DOCK2: variants seen among roughly 807,000 people sequenced by gnomAD.
DOCK2 encodes dedicator of cytokinesis protein 2.
Under a neutral mutation model 248.9 loss-of-function variants are expected in DOCK2, and 87 were observed. The ratio of observed to expected loss-of-function variants is 0.35; its 90% CI spans 0.29 to 0.42. DOCK2 has a LOEUF of 0.42. DOCK2 is among the 10% of genes least tolerant of loss of function. The pLI, the probability that DOCK2 is intolerant of heterozygous loss-of-function variation, is 1.00. For synonymous variants in DOCK2, 805 were observed against 821.6 expected (o/e 0.98, Z 0.35); for missense variants, 1,747 against 2,300.2 (o/e 0.76, Z 4.92).
At chr5:169,762,345 C>T (rs1764535578) in intron 25 of DOCK2, among the ~76,000 whole-genome samples, 1 of 152,050 alleles carries the variant, frequency 6.6e-6, no homozygotes, top group African/African-American at 2.4e-5. Context: ...TGCACTTTGC[C>T]TTTCTTCACT....
At chr5:169,875,085 C>G (rs920648230) in intron 27 of DOCK2, 4 of 407,508 alleles carry the variant, frequency 9.8e-6, no homozygotes, top group Non-Finnish European at 2.0e-5. Context: ...AAGCTACTCT[C>G]TGGGCTATTT....
intron 27 of DOCK2, among the ~76,000 whole-genome samples, chr5:169,905,919 C>T (rs1774249859): frequency 6.6e-6 from 1 of 152,216 alleles, no homozygotes; most frequent in African/African-American, 2.4e-5. Flanking sequence ...AAACAGCTGT[C>T]TTGAACCTGA....
At chr5:169,721,865 G>A (rs1378747820) in intron 22 of DOCK2, among the ~76,000 whole-genome samples, 1 of 152,236 alleles carries the variant, frequency 6.6e-6, no homozygotes, top group African/African-American at 2.4e-5. Context: ...AGAAAGAAGA[G>A]AGTGAGTTCC....
chr5:169,660,518 C>T (rs934731608), intron 2 of DOCK2, among the ~76,000 whole-genome samples: 1 of 152,114 alleles, frequency 6.6e-6, no homozygotes, highest in African/African-American at 2.4e-5. Context: ...GGAGTGCTTT[C>T]TAAGTGAACA....
intron 36 of DOCK2, among the ~76,000 whole-genome samples, chr5:170,037,783 G>T (rs1756373324): frequency 6.6e-6 from 1 of 152,160 alleles, no homozygotes; most frequent in Non-Finnish European, 1.5e-5. Context: ...ACTGCGTCCG[G>T]CCACAACAAC....
intron 25 of DOCK2, among the ~76,000 whole-genome samples, chr5:169,801,146 G>GTTTTTTTTTT (rs60574755): frequency 2.6e-5 from 2 of 76,052 alleles, no homozygotes; most frequent in African/African-American, 3.7e-5. Context: ...ATAGTTTTGG[G>GTTTTTTTTTT]TTTTTTTTTT....
chr5:170,042,219 GCT>G, intron 38 of DOCK2, 87 bp downstream of exon 38: 1 of 1,433,844 alleles, frequency 7.0e-7, no homozygotes, highest in Non-Finnish European at 9.3e-7. Flanking sequence ...TCCATCCTCA[GCT>G]CTGTCAGATA....
At chr5:170,065,671 A>C (rs1489208497) in intron 44 of DOCK2, among the ~76,000 whole-genome samples, 1 of 152,190 alleles carries the variant, frequency 6.6e-6, no homozygotes, top group Non-Finnish European at 1.5e-5. Context: ...GCAAAGAGAG[A>C]GCTTGTGCAG....
intron 1 of DOCK2, among the ~76,000 whole-genome samples, chr5:169,653,289 CT>C (rs1757906429): frequency 6.6e-6 from 1 of 152,148 alleles, no homozygotes; most frequent in Non-Finnish European, 1.5e-5. Context: ...GAATAATAAC[CT>C]TTTTACAGTG....
At chr5:169,942,725 T>G (rs146431338) in intron 27 of DOCK2, among the ~76,000 whole-genome samples, 1 of 152,102 alleles carries the variant, frequency 6.6e-6, no homozygotes, top group Admixed American at 6.6e-5. Flanking sequence ...CCCTCCACAT[T>G]GGTCGGAGAG....
chr5:170,077,433 T>A (rs1452978788), intron 47 of DOCK2, among the ~76,000 whole-genome samples: 3 of 152,136 alleles, frequency 2.0e-5, no homozygotes, highest in Non-Finnish European at 1.5e-5. Context: ...AAATCAAGTA[T>A]GGTCAAGGGG....
In DOCK2 at chr5:169,756,157, C is replaced by T. The variant is rs538725356; in HGVS notation, c.2377-3548C>T. On this transcript the variant is annotated intron_variant, in intron 23 of 51. Coordinates refer to ENST00000520908, the MANE Select transcript of DOCK2 (RefSeq NM_004946.3). ...TGCTTCATTTGACTGTATGGCCTAC[C>T]TGGAGTGGGAGGCTGGGAAGATGGG... Among the ~76,000 whole-genome samples, 7 of 152,346 alleles carry T rather than the reference C, an allele frequency of 4.6e-5. No homozygotes were observed. In the South Asian group the frequency reaches 1.5e-3, roughly 32 times the overall value.
At chr5:169,912,748 G>A (rs2113624903) in intron 27 of DOCK2, among the ~76,000 whole-genome samples, 1 of 152,184 alleles carries the variant, frequency 6.6e-6, no homozygotes, top group South Asian at 2.1e-4. Flanking sequence ...GTAGTTTTTG[G>A]TAAAGAAAGG....
At chr5:169,916,542 TGTG>T (rs1256730182) in intron 27 of DOCK2, among the ~76,000 whole-genome samples, 1 of 152,242 alleles carries the variant, frequency 6.6e-6, no homozygotes, top group African/African-American at 2.4e-5. Flanking sequence ...GCAACCTTCC[TGTG>T]CCTCCCTTAT....
At chr5:169,828,221 G>A (rs536470483) in intron 26 of DOCK2, among the ~76,000 whole-genome samples, 4 of 152,108 alleles carry the variant, frequency 2.6e-5, no homozygotes, top group Non-Finnish European at 4.4e-5. Context: ...ATTTTAGATC[G>A]ACATACTCCC....
intron 26 of DOCK2, among the ~76,000 whole-genome samples, chr5:169,810,387 A>G (rs1198036756): frequency 6.6e-6 from 1 of 152,216 alleles, no homozygotes; most frequent in Non-Finnish European, 1.5e-5. Context: ...TTTTGTCATA[A>G]AACAAAATTG....
chr5:169,651,398 T>C (rs764146), intron 1 of DOCK2, among the ~76,000 whole-genome samples: 7,130 of 152,274 alleles, frequency 0.047, 430 homozygotes, highest in Admixed American at 0.15. Context: ...TAAGCCAATC[T>C]ACTGGCACCT....
intron 26 of DOCK2, among the ~76,000 whole-genome samples, chr5:169,835,111 TGGATG>T (rs1769478990): frequency 6.6e-6 from 1 of 152,070 alleles, no homozygotes; most frequent in African/African-American, 2.4e-5. Flanking sequence ...GTTTACAACT[TGGATG>T]AGAATGGCAT....
chr5:170,018,114 C>CA (rs763202598), intron 32 of DOCK2, among the ~76,000 whole-genome samples: 5 of 152,112 alleles, frequency 3.3e-5, no homozygotes, highest in African/African-American at 4.8e-5. Context: ...GATATCATTT[C>CA]AAAATTGGCA....
Sources: gnomAD v4.1 joint callset for allele counts (sites outside exome capture counted in the v4.1 genomes callset) on GRCh38, gnomAD v4.1.1 for gene constraint, MANE v1.5 for transcripts, NCBI Gene and HGNC (gene_info 2026-07-23, HGNC 2026-07-21) for gene names.